MAST2: variants seen among roughly 807,000 people sequenced by gnomAD.
MAST2 encodes microtubule-associated serine/threonine-protein kinase 2.
A neutral mutation model predicts 147.4 loss-of-function variants in MAST2; 70 were observed. That is an observed-to-expected ratio of 0.47 (90% CI 0.39 to 0.58). The LOEUF is 0.58. Ranked by LOEUF, MAST2 falls within the 20% of genes least tolerant of loss-of-function variation. The pLI is 0.00. For missense variants in MAST2, 2,080 were observed against 2,302.3 expected, an observed-to-expected ratio of 0.90 and a Z score of 1.98; for synonymous variants, 869 against 896.8, an observed-to-expected ratio of 0.97 and a Z score of 0.55.
chr1:45,998,730 CTT>C (rs768359136), intron 6 of MAST2, among the ~76,000 whole-genome samples: 14 of 143,180 alleles, frequency 9.8e-5, no homozygotes, highest in East Asian at 2.0e-4. Context: ...ACTTAGACTA[CTT>C]TTTTTTTTTT....
At chr1:45,912,218 G>A (rs1011028663) in intron 4 of MAST2, among the ~76,000 whole-genome samples, 6 of 152,078 alleles carry the variant, frequency 3.9e-5, no homozygotes, top group Admixed American at 1.3e-4. Context: ...GCTACTAGGT[G>A]GGTGAGTTTG....
chr1:45,882,859 C>T (rs1235718981), intron 4 of MAST2, among the ~76,000 whole-genome samples: 2 of 152,168 alleles, frequency 1.3e-5, no homozygotes, highest in Non-Finnish European at 2.9e-5. Flanking sequence ...GGTTCCCAAC[C>T]TGTTTGGTTT....
At chr1:45,935,306 A>G (rs6661593) in intron 4 of MAST2, among the ~76,000 whole-genome samples, 67,849 of 151,976 alleles carry the variant, frequency 0.45, 15,316 homozygotes, top group East Asian at 0.63. Flanking sequence ...CCTTTGTCAG[A>G]TGTATATTTT....
intron 26 of MAST2, 32 bp from the exon 27 acceptor site, chr1:46,033,770 G>A (rs2149349716): frequency 6.2e-7 from 1 of 1,606,382 alleles, no homozygotes; most frequent in South Asian, 1.1e-5. Context: ...TATGGCTCCA[G>A]CTTAGCCTAG....
At chr1:46,025,869 T>A in intron 16 of MAST2, 54 bp downstream of exon 16, 1 of 1,610,158 alleles carries the variant, frequency 6.2e-7, no homozygotes, top group South Asian at 1.1e-5. Flanking sequence ...GGTCTCCAGA[T>A]AAAATGTTGG....
intron 3 of MAST2, among the ~76,000 whole-genome samples, chr1:45,880,386 T>C (rs927088392): frequency 3.9e-5 from 6 of 152,192 alleles, no homozygotes; most frequent in Non-Finnish European, 5.9e-5. Flanking sequence ...TAATATTTGC[T>C]TGGGGTAGGA....
chr1:45,918,839 G>T (rs190165660), intron 4 of MAST2, among the ~76,000 whole-genome samples: 1 of 152,266 alleles, frequency 6.6e-6, no homozygotes, highest in African/African-American at 2.4e-5. Flanking sequence ...TGGGCTGGGC[G>T]CAGTGGCTTA....
At chr1:46,032,556 T>C (rs1171350241) in intron 25 of MAST2, 40 bp from the exon 26 acceptor site, 11 of 1,608,394 alleles carry the variant, frequency 6.8e-6, no homozygotes, top group Non-Finnish European at 9.4e-6. Flanking sequence ...ATACTTCGTG[T>C]TCAGGCTCCA....
At chr1:45,893,998 T>C (rs957380519) in intron 4 of MAST2, among the ~76,000 whole-genome samples, 1 of 152,136 alleles carries the variant, frequency 6.6e-6, no homozygotes, top group African/African-American at 2.4e-5. Context: ...GAGGATTGCT[T>C]GAGCTCAGGA....
intron 11 of MAST2, among the ~76,000 whole-genome samples, chr1:46,020,193 C>T (rs529520917): frequency 1.3e-5 from 2 of 152,272 alleles, no homozygotes; most frequent in South Asian, 4.2e-4. Flanking sequence ...CAGTTGAGGT[C>T]AGTACACAGC....
At chr1:45,925,451 T>G (rs1405799464) in intron 4 of MAST2, among the ~76,000 whole-genome samples, 1 of 152,214 alleles carries the variant, frequency 6.6e-6, no homozygotes, top group Non-Finnish European at 1.5e-5. Context: ...AGAGTATTGA[T>G]TGGCACTCAG....
At chr1:45,928,385 G>T (rs1247416947) in intron 4 of MAST2, among the ~76,000 whole-genome samples, 1 of 152,004 alleles carries the variant, frequency 6.6e-6, no homozygotes, top group Non-Finnish European at 1.5e-5. Flanking sequence ...TGGTTTTTTG[G>T]AATCAGTAGC....
chr1:46,020,901 C>T (rs1182793680), intron 11 of MAST2, among the ~76,000 whole-genome samples: 6 of 152,170 alleles, frequency 3.9e-5, no homozygotes, highest in Non-Finnish European at 7.3e-5. Context: ...GTAAATATTA[C>T]ATCAGATTTA....
At chr1:45,930,104 G>C (rs796541397) in intron 4 of MAST2, among the ~76,000 whole-genome samples, 1 of 151,038 alleles carries the variant, frequency 6.6e-6, no homozygotes. Context: ...TTGTTTTGAG[G>C]GGGGATGGAA....
Position 46,035,727 on chromosome 1 carries a change from G to C in MAST2, c.5058G>C (p.Leu1686Phe), listed in dbSNP as rs749816929. Residue 1686 changes from leucine (L) to phenylalanine (F), a missense_variant, in exon 29 of 29, where the codon TTG (leucine) becomes TTC (phenylalanine). Physicochemically the swap from Leu to Phe is conservative, Grantham distance 22 (BLOSUM62 0). Coordinates refer to ENST00000361297, the MANE Select transcript of MAST2 (RefSeq NM_015112.3). The surrounding 1 kb of genome is among the most constrained non-coding windows in gnomAD (Gnocchi z 5.5). ...MAGGLANLQDLENTTPAQPKN... is the reference protein window; with the variant it reads ...MAGGLANLQDFENTTPAQPKN... ...GTGGGCTAGCCAACCTCCAGGATTT[G>C]GAAAACACAACTCCAGCCCAGCCTA... The C allele has an allele frequency of 6.2e-7, 1 of 1,614,018 alleles. No individual in the cohort carries two copies. The highest frequency in any genetic ancestry group is 8.5e-7 in the Non-Finnish European group (1 of 1,180,018).
rs71587091 is a variant in MAST2, at chr1:45,931,377, G to GTTTTTTTTTTTTTTTTT, written c.501-28003_501-27987dup. ...TCACAAAAAGGTGGTATTGTGTTCT[G>GTTTTTTTTTTTTTTTTT]TTTTTTTTTTTTTTTTTTTTTTGAG... On this transcript the variant is annotated intron_variant, in intron 4 of 28. Coordinates refer to ENST00000361297, the MANE Select transcript of MAST2 (RefSeq NM_015112.3). 7.9e-5 allele frequency among the ~76,000 whole-genome samples: 8 copies of GTTTTTTTTTTTTTTTTT among 101,206 alleles called. 1 individual carries two copies. Among genetic ancestry groups the GTTTTTTTTTTTTTTTTT allele is most frequent in the East Asian group, 3.2e-4 (1 of 3,122 alleles). The allele number at this position is 101,206 out of a possible 152,430, so 66.4% of individuals were successfully genotyped here. A position where few individuals can be genotyped will look rare whatever the true frequency, so the allele number is the denominator to read the frequency against.
intron 5 of MAST2, among the ~76,000 whole-genome samples, chr1:45,988,884 T>C (rs185397525): frequency 6.6e-6 from 1 of 152,302 alleles, no homozygotes; most frequent in East Asian, 1.9e-4. Flanking sequence ...TCTGCGATTA[T>C]AAGATATTCC....
In MAST2 at chr1:45,958,517, C is replaced by CCT. The variant is rs58533086; in HGVS notation, c.501-855_501-854dup. ...CTCCTTTTCTCCCTCTCCCTCCCTC[C>CCT]CTCTCTCTCTCTCTCCCTCTATCCC... On this transcript the variant is annotated intron_variant, in intron 4 of 28. Transcript: ENST00000361297. Among the ~76,000 whole-genome samples, 33 of 149,312 alleles carry CCT rather than the reference C, an allele frequency of 2.2e-4. No homozygotes were observed. The South Asian group carries it at 4.3e-3, about 19-fold the overall frequency.
chr1:46,003,736 G>C (rs1645366693), intron 7 of MAST2, among the ~76,000 whole-genome samples: 1 of 152,156 alleles, frequency 6.6e-6, no homozygotes, highest in African/African-American at 2.4e-5. Flanking sequence ...CAAAGTGCTA[G>C]GATTACAGGC....
Sources: gnomAD v4.1 joint callset for allele counts (sites outside exome capture counted in the v4.1 genomes callset) on GRCh38, gnomAD v4.1.1 for gene constraint, Gnocchi (gnomAD v3.1) non-coding constraint, MANE v1.5 for transcripts, NCBI Gene and HGNC (gene_info 2026-07-23, HGNC 2026-07-21) for gene names.